KSR2: variants seen among roughly 807,000 people sequenced by gnomAD.
KSR2 encodes kinase suppressor of ras 2.
Under a neutral mutation model 107.8 loss-of-function variants are expected in KSR2, and 25 were observed. That is an observed-to-expected ratio of 0.23 (90% confidence interval 0.17 to 0.32). The LOEUF (loss-of-function observed/expected upper bound fraction) is 0.32. Ranked by LOEUF, KSR2 falls within the 10% of genes least tolerant of loss-of-function variation. The pLI, the probability that KSR2 is intolerant of heterozygous loss-of-function variation, is 1.00. For synonymous variants in KSR2, 480 were observed against 507.0 expected (o/e 0.95, Z 0.71); for missense variants, 887 against 1,268.9 (o/e 0.70, Z 4.57).
intron 1 of KSR2, among the ~76,000 whole-genome samples, chr12:117,950,225 C>G (rs1896319094): frequency 6.6e-6 from 1 of 152,076 alleles, no homozygotes. Flanking sequence ...CCGCCCACCT[C>G]GGCCTTCCAG....
intron 12 of KSR2, among the ~76,000 whole-genome samples, chr12:117,527,921 A>G (rs1485814287): frequency 6.6e-6 from 1 of 151,772 alleles, no homozygotes; most frequent in Non-Finnish European, 1.5e-5. Context: ...GAATGAAAAT[A>G]AAAAGACCAT....
intron 5 of KSR2, among the ~76,000 whole-genome samples, chr12:117,640,293 C>T (rs1883298145): frequency 6.6e-6 from 1 of 151,988 alleles, no homozygotes; most frequent in Non-Finnish European, 1.5e-5. Flanking sequence ...CTCTGTCACT[C>T]AGGCTGGAGT....
intron 3 of KSR2, among the ~76,000 whole-genome samples, chr12:117,801,134 C>T (rs1372820322): frequency 9.9e-5 from 15 of 152,050 alleles, no homozygotes; most frequent in Non-Finnish European, 2.2e-4. Context: ...TATTTTAAGA[C>T]TGAGTCTCAC....
In KSR2 at chr12:117,968,203, T is replaced by G. The variant is rs1464129092; in HGVS notation, c.53A>C (p.Gln18Pro). 6.2e-7 allele frequency: 1 copy of G among 1,605,204 alleles called. No homozygotes were observed. The highest frequency in any genetic ancestry group is 2.3e-5 in the East Asian group (1 of 44,282). ...KSEEQQPLSL[Q>P]KALQQCELVQ... ...CAGTTCGCACTGCTGTAAGGCTTTT[T>G]GCAAACTCAGAGGCTGCTGCTCCTC... Residue 18 changes from glutamine (Q) to proline (P), a missense_variant, in exon 1 of 20, where the codon CAA (glutamine) becomes CCA (proline). Around this residue, in one of 8 missense-constraint regions of KSR2, gnomAD observed 32 missense variants for 25.9 expected, o/e 1.23. Coordinates refer to ENST00000339824, the MANE Select transcript of KSR2 (RefSeq NM_173598.6).
At chr12:117,714,947 C>T (rs1886922742) in intron 4 of KSR2, among the ~76,000 whole-genome samples, 1 of 152,102 alleles carries the variant, frequency 6.6e-6, no homozygotes, top group African/African-American at 2.4e-5. Flanking sequence ...CATCATGTGT[C>T]CTGGCTTCTG....
intron 1 of KSR2, among the ~76,000 whole-genome samples, chr12:117,908,463 C>G (rs945692820): frequency 2.6e-5 from 4 of 152,194 alleles, no homozygotes; most frequent in Non-Finnish European, 5.9e-5. Context: ...TAGCACAATT[C>G]ATGAAAGCTG....
rs941735212 is a variant in KSR2 at position 117,455,015 on chromosome 12, A to G, written c.*12184T>C. ...TGTGGAGGCAGGCAGAGACAGAGAC[A>G]GACACAGAGACAGACAGACAGAGAG... On this transcript the variant is annotated 3_prime_UTR_variant, in exon 20 of 20. Coordinates refer to ENST00000339824, the MANE Select transcript of KSR2 (RefSeq NM_173598.6). The G allele has an allele frequency of 2.0e-5, 3 of 148,144 alleles. No individual in the cohort carries two copies. The highest frequency in any genetic ancestry group is 7.5e-5 in the African/African-American group (3 of 39,794). 9.2% of individuals were successfully genotyped at this position (148,144 alleles called of 1,614,324 possible). A position where few individuals can be genotyped will look rare whatever the true frequency, so the allele number is the denominator to read the frequency against.
chr12:117,564,357 A>C (rs1878321550), intron 7 of KSR2, among the ~76,000 whole-genome samples: 1 of 152,230 alleles, frequency 6.6e-6, no homozygotes, highest in African/African-American at 2.4e-5. Context: ...CCTTCCTGGC[A>C]GGGCAAGACA....
intron 1 of KSR2, among the ~76,000 whole-genome samples, chr12:117,869,805 A>G (rs1338431394): frequency 6.6e-6 from 1 of 152,232 alleles, no homozygotes; most frequent in Non-Finnish European, 1.5e-5. Context: ...CAACGACAAT[A>G]AAGCATTTTC....
intron 3 of KSR2, among the ~76,000 whole-genome samples, chr12:117,793,020 TCTCACATCAACATGCACACACG>T (rs1421854216): frequency 4.2e-5 from 5 of 119,962 alleles, no homozygotes; most frequent in Non-Finnish European, 6.6e-5. Context: ...CAGTACGCAC[TCTCACATCAACATGCACACACG>T]CTCACATCAA....
chr12:117,696,519 G>A (rs764570021), intron 4 of KSR2, among the ~76,000 whole-genome samples: 3 of 151,626 alleles, frequency 2.0e-5, no homozygotes, highest in Non-Finnish European at 4.4e-5. Context: ...ACTGGTCGGG[G>A]GGAGTATCAT....
chr12:117,860,486 A>C (rs1283373370), intron 1 of KSR2, 55 bp from the exon 2 acceptor site: 1 of 1,526,306 alleles, frequency 6.6e-7, no homozygotes, highest in African/African-American at 1.4e-5. Flanking sequence ...TGACACAAGG[A>C]AGAGAGGCGA....
At chr12:117,771,447 T>C (rs1359462929) in intron 3 of KSR2, among the ~76,000 whole-genome samples, 1 of 152,200 alleles carries the variant, frequency 6.6e-6, no homozygotes, top group African/African-American at 2.4e-5. Flanking sequence ...TCTGACCACC[T>C]TGGACACATG....
At chr12:117,723,431 T>C (rs1887291380) in intron 4 of KSR2, among the ~76,000 whole-genome samples, 1 of 152,164 alleles carries the variant, frequency 6.6e-6, no homozygotes, top group Non-Finnish European at 1.5e-5. Context: ...AAGAGGTAGA[T>C]ATTATCAACT....
At position 117,531,707 on chromosome 12, in the gene KSR2, G is replaced by T. The variant is rs760327264; in HGVS notation, c.1688C>A (p.Ala563Glu). 6.3e-7 allele frequency: 1 copy of T among 1,597,180 alleles called. No individual in the cohort carries two copies. The highest frequency in any genetic ancestry group is 1.8e-5 in the Admixed American group (1 of 56,764). ...CTGCTTGTATTTGTAGTAGTGGGATGCTTGCAAAAGAAAGAAAACATCAAA... is the reference window on the plus strand; with the variant it reads ...CTGCTTGTATTTGTAGTAGTGGGATTCTTGCAAAAGAAAGAAAACATCAAA... Reference protein sequence around the residue: ...TRQQKNFNLPASHYYKYKQQF... With the variant: ...TRQQKNFNLPESHYYKYKQQF... The change falls in exon 11 of 20, where the codon GCA becomes GAA. Residue 563 changes from alanine (A) to glutamate (E), a missense_variant and splice_region_variant. By Grantham distance (107) the Ala-to-Glu change is moderately radical (BLOSUM62 -1). Around this residue, in one of 8 missense-constraint regions of KSR2, gnomAD observed 50 missense variants for 43.4 expected, o/e 1.15. Coordinates refer to ENST00000339824, the MANE Select transcript of KSR2 (RefSeq NM_173598.6).
intron 1 of KSR2, among the ~76,000 whole-genome samples, chr12:117,948,674 TG>T (rs1263813659): frequency 6.6e-6 from 1 of 152,148 alleles, no homozygotes; most frequent in African/African-American, 2.4e-5. Context: ...TTTCAATGAA[TG>T]GTGTAGAAAA....
chr12:117,891,279 G>A (rs994522313), intron 1 of KSR2, among the ~76,000 whole-genome samples: 2 of 152,050 alleles, frequency 1.3e-5, no homozygotes, highest in Non-Finnish European at 2.9e-5. Flanking sequence ...AACCGGGTGT[G>A]GTGGCGCATG....
intron 1 of KSR2, among the ~76,000 whole-genome samples, chr12:117,884,345 G>A (rs1270311346): frequency 1.3e-5 from 2 of 152,170 alleles, no homozygotes; most frequent in Non-Finnish European, 2.9e-5. Context: ...GACCTTGCCA[G>A]CTCTCAGCAC....
Position 117,968,299 on chromosome 12 carries a change from G to GAA in KSR2, c.-46_-45dup, listed in dbSNP as rs766449966. ...CTTCCCCTCCTCCTCCTCCCAGAGA[G>GAA]AAAAAAGAGGGGGGGGAGTAGAGGT... On this transcript the variant is annotated 5_prime_UTR_variant, in exon 1 of 20. Transcript: ENST00000339824. 3.0e-6 allele frequency: 1 copy of GAA among 333,992 alleles called. No homozygotes were observed. Among genetic ancestry groups the GAA allele is most frequent in the Non-Finnish European group, 4.3e-6 (1 of 234,146 alleles). 20.7% of individuals were successfully genotyped at this position (333,992 alleles called of 1,614,324 possible).
Sources: gnomAD v4.1 joint callset for allele counts (sites outside exome capture counted in the v4.1 genomes callset) on GRCh38, gnomAD v4.1.1 for gene constraint, gnomAD v4.1.1 regional missense constraint, MANE v1.5 for transcripts, NCBI Gene and HGNC (gene_info 2026-07-23, HGNC 2026-07-21) for gene names.